DNAJC15: variants seen among roughly 807,000 people sequenced by gnomAD.
DNAJC15 encodes the protein DnaJ heat shock protein family (Hsp40) member C15.
Under a neutral mutation model 22.4 loss-of-function variants are expected in DNAJC15, and 27 were observed. That is an observed-to-expected ratio of 1.20 (90% CI 0.89 to 1.66). The LOEUF (loss-of-function observed/expected upper bound fraction) is 1.66. DNAJC15 is among the 40% of genes most tolerant of loss of function. The pLI is 0.00. For synonymous variants in DNAJC15, 79 were observed against 63.2 expected, an observed-to-expected ratio of 1.25 and a Z score of -1.19; for missense variants, 208 against 187.1, an observed-to-expected ratio of 1.11 and a Z score of -0.65.
At chr13:43,085,515 ATGT>A (rs1292676109) in intron 4 of DNAJC15, among the ~76,000 whole-genome samples, 1 of 152,062 alleles carries the variant, frequency 6.6e-6, no homozygotes, top group African/African-American at 2.4e-5. Flanking sequence ...CCTAACCTAT[ATGT>A]TGTTTTGTTT....
intron 2 of DNAJC15, among the ~76,000 whole-genome samples, chr13:43,066,995 A>G (rs946560227): frequency 8.5e-5 from 13 of 152,330 alleles, no homozygotes; most frequent in Admixed American, 4.6e-4. Context: ...TTTAAATTAC[A>G]TAGCTATATC....
intron 4 of DNAJC15, among the ~76,000 whole-genome samples, chr13:43,080,352 C>A (rs2040656061): frequency 6.6e-6 from 1 of 152,290 alleles, no homozygotes; most frequent in Admixed American, 6.5e-5. Context: ...AGGATAATGG[C>A]TTCCAGTTCA....
intron 1 of DNAJC15, 115 bp downstream of exon 1, chr13:43,023,849 G>A: frequency 1.0e-6 from 1 of 990,502 alleles, no homozygotes. Context: ...CTCACGGTCT[G>A]TGCCCTAGCG....
intron 1 of DNAJC15, 57 bp downstream of exon 1, chr13:43,023,791 G>GC: frequency 2.0e-6 from 3 of 1,478,480 alleles, no homozygotes; most frequent in Non-Finnish European, 2.8e-6. Context: ...TTCTGCTTCA[G>GC]CCCCCTCTAC....
chr13:43,080,891 C>A (rs970295668), intron 4 of DNAJC15, among the ~76,000 whole-genome samples: 1 of 152,140 alleles, frequency 6.6e-6, no homozygotes, highest in African/African-American at 2.4e-5. Flanking sequence ...TTCCTCTAGC[C>A]CTTTCTTTTC....
intron 3 of DNAJC15, among the ~76,000 whole-genome samples, chr13:43,071,213 G>C (rs1420621653): frequency 6.6e-6 from 1 of 152,154 alleles, no homozygotes; most frequent in African/African-American, 2.4e-5. Context: ...GGTAATTCAA[G>C]AGATTATAAG....
At chr13:43,085,196 T>C (rs1369946022) in intron 4 of DNAJC15, among the ~76,000 whole-genome samples, 2 of 152,086 alleles carry the variant, frequency 1.3e-5, no homozygotes, top group Non-Finnish European at 2.9e-5. Context: ...ACCCTGTCTC[T>C]ACTAAAATAC....
At chr13:43,077,944 C>T (rs1238298044) in intron 3 of DNAJC15, among the ~76,000 whole-genome samples, 2 of 152,176 alleles carry the variant, frequency 1.3e-5, no homozygotes, top group African/African-American at 4.8e-5. Context: ...TCTGCTACTT[C>T]TACTCTTGCA....
At chr13:43,047,181 CATT>C (rs1204854280) in intron 1 of DNAJC15, among the ~76,000 whole-genome samples, 2 of 152,140 alleles carry the variant, frequency 1.3e-5, no homozygotes, top group African/African-American at 2.4e-5. Context: ...ATTTTCATGT[CATT>C]ATACAAACTT....
At position 43,071,842 on chromosome 13, in the gene DNAJC15, T is replaced by C. The variant is rs185828701; in HGVS notation, c.234+2839T>C. Among the ~76,000 whole-genome samples, 73 of 152,340 alleles carry C rather than the reference T, an allele frequency of 4.8e-4. No homozygotes were observed. The East Asian group carries it at 0.014, about 29-fold the overall frequency. The stretch of plus-strand genomic sequence containing the variant: ...ATGTTGTTTTTCAATCTTATCTCTT[T>C]TTCATACTTTTTTTTCATCTTGCTG... On this transcript the variant is annotated intron_variant, in intron 3 of 5. Coordinates refer to ENST00000379221, the MANE Select transcript of DNAJC15 (RefSeq NM_013238.3).
At chr13:43,051,012 C>T (rs73187984) in intron 1 of DNAJC15, among the ~76,000 whole-genome samples, 36,232 of 151,956 alleles carry the variant, frequency 0.24, 4,790 homozygotes, top group Non-Finnish European at 0.3. Context: ...CTCACTGTTG[C>T]CGCCCAGGCT....
intron 4 of DNAJC15, chr13:43,079,014 A>AAATTTATAATT (rs1163281232): frequency 5.8e-6 from 1 of 171,290 alleles, no homozygotes; most frequent in Non-Finnish European, 1.3e-5. Flanking sequence ...TTATAATTTG[A>AAATTTATAATT]TATCATATTG....
intron 5 of DNAJC15, among the ~76,000 whole-genome samples, chr13:43,090,728 G>T (rs1258773232): frequency 1.4e-5 from 2 of 138,140 alleles, no homozygotes; most frequent in Non-Finnish European, 3.1e-5. Flanking sequence ...TTTTTTTTGA[G>T]ATAGAGTCTT....
intron 1 of DNAJC15, among the ~76,000 whole-genome samples, chr13:43,038,618 C>G (rs1333719828): frequency 6.6e-6 from 1 of 151,954 alleles, no homozygotes; most frequent in East Asian, 1.9e-4. Context: ...CAGTGAAACT[C>G]TGTCTCTACT....
intron 5 of DNAJC15, among the ~76,000 whole-genome samples, chr13:43,105,450 G>C (rs1218741098): frequency 3.9e-5 from 6 of 152,032 alleles, no homozygotes; most frequent in Admixed American, 1.3e-4. Context: ...GTAGAATGAG[G>C]GTCAAAAGAA....
Position 43,100,751 on chromosome 13 carries a change from T to C in DNAJC15, c.383-6427T>C, listed in dbSNP as rs149312515. The stretch of plus-strand genomic sequence containing the variant: ...AAAAATTGCGTATTCCATTATTGGG[T>C]AGTGTTCTGTAAATATGTGTTAGTT... On this transcript the variant is annotated intron_variant, in intron 5 of 5. Coordinates refer to ENST00000379221, the MANE Select transcript of DNAJC15 (RefSeq NM_013238.3). Among the ~76,000 whole-genome samples, 20 of 152,306 alleles carry C rather than the reference T, an allele frequency of 1.3e-4. 1 individual carries two copies. The East Asian group carries it at 3.9e-3, about 29-fold the overall frequency.
intron 1 of DNAJC15, among the ~76,000 whole-genome samples, chr13:43,061,934 A>G (rs2040561033): frequency 6.6e-6 from 1 of 152,152 alleles, no homozygotes; most frequent in Admixed American, 6.5e-5. Context: ...TCTATGTAGG[A>G]CTCATATGAT....
intron 5 of DNAJC15, among the ~76,000 whole-genome samples, chr13:43,098,912 T>C (rs928164599): frequency 5.9e-5 from 9 of 152,316 alleles, no homozygotes; most frequent in African/African-American, 1.9e-4. Context: ...TAGAACCAGC[T>C]TGTCAATTTC....
In DNAJC15 at chr13:43,078,783, T is replaced by C. The variant is rs2040647895; in HGVS notation, c.311+95T>C. 1.4e-5 allele frequency: 15 copies of C among 1,047,588 alleles called. No homozygotes were observed. In the Middle Eastern group the frequency reaches 1.3e-3, roughly 93 times the overall value. The allele number at this position is 1,047,588 out of a possible 1,614,324, so 64.9% of individuals were successfully genotyped here. ...AATAAGGTTATACTTAGACTTAAAA[T>C]TATGAGTAGGTGGCAGAGGAGAAAA... On this transcript the variant is annotated intron_variant, in intron 4 of 5. Transcript: ENST00000379221.
Sources: allele counts gnomAD v4.1 joint callset (sites outside exome capture counted in the v4.1 genomes callset), GRCh38; gene constraint gnomAD v4.1.1; transcripts MANE v1.5; gene names NCBI Gene and HGNC (gene_info 2026-07-23, HGNC 2026-07-21).